Variants in UNC5D observed in about 807,000 individuals in gnomAD.
The protein encoded by UNC5D is unc-5 netrin receptor D.
Under a neutral mutation model 105.4 loss-of-function variants are expected in UNC5D, and 39 were observed. That is an observed-to-expected ratio of 0.37 (90% CI 0.29 to 0.48). The LOEUF (loss-of-function observed/expected upper bound fraction) is 0.48. Ranked by LOEUF, UNC5D falls within the 20% of genes least tolerant of loss-of-function variation. The pLI is 0.98. For missense variants in UNC5D, 991 were observed against 1,202.4 expected (o/e 0.82, Z 2.60); for synonymous variants, 452 against 450.4 (o/e 1.00, Z -0.04).
At chr8:35,386,896 A>T (rs1489883087) in intron 1 of UNC5D, among the ~76,000 whole-genome samples, 2 of 151,834 alleles carry the variant, frequency 1.3e-5, no homozygotes. Flanking sequence ...TTCACTCTGA[A>T]TTTTTTCTGA....
At chr8:35,266,203 G>A (rs1477955924) in intron 1 of UNC5D, among the ~76,000 whole-genome samples, 1 of 152,006 alleles carries the variant, frequency 6.6e-6, no homozygotes, top group Non-Finnish European at 1.5e-5. Context: ...CTTATTCGAG[G>A]TTTCTTTAAA....
chr8:35,654,666 T>A (rs975595379), intron 4 of UNC5D, among the ~76,000 whole-genome samples: 1 of 152,206 alleles, frequency 6.6e-6, no homozygotes, highest in Non-Finnish European at 1.5e-5. Context: ...CTAACATTTT[T>A]AGTTATTCTG....
chr8:35,582,666 T>G (rs1350890447), intron 3 of UNC5D, among the ~76,000 whole-genome samples: 1 of 152,176 alleles, frequency 6.6e-6, no homozygotes, highest in Admixed American at 6.5e-5. Flanking sequence ...ACTAATAATG[T>G]GATTAAATTG....
At chr8:35,276,244 G>A (rs555740845) in intron 1 of UNC5D, among the ~76,000 whole-genome samples, 5 of 152,104 alleles carry the variant, frequency 3.3e-5, no homozygotes, top group Admixed American at 6.5e-5. Context: ...ATTGAATATT[G>A]ACATATAATA....
At chr8:35,524,640 CA>C (rs113548648) in intron 1 of UNC5D, among the ~76,000 whole-genome samples, 2,360 of 71,044 alleles carry the variant, frequency 0.033, 33 homozygotes, top group African/African-American at 0.09. Flanking sequence ...ATGCCCTGTG[CA>C]AAAAAAAAAA....
At chr8:35,249,269 C>T (rs1235982804) in intron 1 of UNC5D, among the ~76,000 whole-genome samples, 1 of 149,170 alleles carries the variant, frequency 6.7e-6, no homozygotes, top group Non-Finnish European at 1.5e-5. Context: ...CTTTTAAAAG[C>T]TTTGGTGGCC....
chr8:35,552,186 G>GTAA (rs1428125789), intron 2 of UNC5D, among the ~76,000 whole-genome samples: 1 of 152,182 alleles, frequency 6.6e-6, no homozygotes, highest in Non-Finnish European at 1.5e-5. Context: ...GAATCTAAAT[G>GTAA]TAAGAACTGG....
chr8:35,643,525 AT>A (rs924294847), intron 4 of UNC5D, among the ~76,000 whole-genome samples: 1 of 151,890 alleles, frequency 6.6e-6, no homozygotes, highest in African/African-American at 2.4e-5. Flanking sequence ...CCATATTAGT[AT>A]TTTTAGTAGA....
chr8:35,475,849 C>T (rs759673126), intron 1 of UNC5D, among the ~76,000 whole-genome samples: 1 of 152,186 alleles, frequency 6.6e-6, no homozygotes, highest in Non-Finnish European at 1.5e-5. Flanking sequence ...CCGTGTTAAA[C>T]TCAGAGTAGA....
chr8:35,706,949 A>G (rs1827624225), intron 8 of UNC5D, among the ~76,000 whole-genome samples: 1 of 152,238 alleles, frequency 6.6e-6, no homozygotes, highest in Admixed American at 6.5e-5. Context: ...ATACTGGGGC[A>G]ACATTAATAC....
intron 1 of UNC5D, among the ~76,000 whole-genome samples, chr8:35,513,481 T>C (rs12334687): frequency 0.15 from 23,462 of 151,618 alleles, 2,319 homozygotes; most frequent in East Asian, 0.25. Context: ...CACCTGCCTC[T>C]GCCTCCCAAG....
chr8:35,416,971 A>G (rs1805571062), intron 1 of UNC5D, among the ~76,000 whole-genome samples: 1 of 152,130 alleles, frequency 6.6e-6, no homozygotes, highest in Admixed American at 6.6e-5. Flanking sequence ...TACATAGTAG[A>G]TGTACATATT....
chr8:35,512,539 G>A (rs5023025), intron 1 of UNC5D, among the ~76,000 whole-genome samples: 4,280 of 39,714 alleles, frequency 0.11, 373 homozygotes, highest in African/African-American at 0.18. Context: ...AGATATGTAT[G>A]TATATATATA....
At chr8:35,244,887 G>T (rs1025273085) in intron 1 of UNC5D, among the ~76,000 whole-genome samples, 1 of 151,488 alleles carries the variant, frequency 6.6e-6, no homozygotes, top group Non-Finnish European at 1.5e-5. Flanking sequence ...GTGGTTGTTC[G>T]TGCCTGTAGT....
intron 1 of UNC5D, among the ~76,000 whole-genome samples, chr8:35,507,262 A>G (rs1812384939): frequency 1.3e-5 from 2 of 151,720 alleles, no homozygotes. Context: ...TCACCGTTTT[A>G]GCCAGGATGG....
chr8:35,788,920 G>A (rs189005725), intron 16 of UNC5D, among the ~76,000 whole-genome samples: 163 of 151,348 alleles, frequency 1.1e-3, no homozygotes, highest in Non-Finnish European at 1.7e-3. Flanking sequence ...ACCCTTGTTC[G>A]TTCTTCCTCT....
chr8:35,715,779 G>C (rs551850686), intron 8 of UNC5D, among the ~76,000 whole-genome samples: 2 of 152,038 alleles, frequency 1.3e-5, no homozygotes, highest in Admixed American at 6.5e-5. Context: ...TCATGGGGCA[G>C]CTCTTCAGGG....
intron 1 of UNC5D, among the ~76,000 whole-genome samples, chr8:35,292,143 A>G (rs1353048489): frequency 1.3e-5 from 2 of 152,184 alleles, no homozygotes; most frequent in African/African-American, 4.8e-5. Context: ...TCAAGCCCCA[A>G]ATCCCTTTGT....
intron 1 of UNC5D, among the ~76,000 whole-genome samples, chr8:35,241,715 C>T (rs1390174720): frequency 4.7e-5 from 7 of 150,334 alleles, no homozygotes; most frequent in African/African-American, 1.7e-4. Flanking sequence ...ACGCATAGTA[C>T]ATGTACATAG....
Sources: gnomAD v4.1 joint callset for allele counts (sites outside exome capture counted in the v4.1 genomes callset) on GRCh38, gnomAD v4.1.1 for gene constraint, MANE v1.5 for transcripts, NCBI Gene and HGNC (gene_info 2026-07-23, HGNC 2026-07-21) for gene names.